The following SULF1 variants were observed in gnomAD, a reference collection of about 807,000 sequenced individuals.
The protein encoded by SULF1 is sulfatase 1.
SULF1 carries 46 observed loss-of-function variants against 110.5 expected under a neutral mutation model. The observed-to-expected ratio is 0.42, with a 90% CI of 0.33 to 0.53. The LOEUF is 0.53. Ranked by LOEUF, SULF1 falls within the 20% of genes least tolerant of loss-of-function variation. The pLI, the probability that SULF1 is intolerant of heterozygous loss-of-function variation, is 0.12. For missense variants in SULF1, 941 were observed against 1,094.2 expected (o/e 0.86, Z 1.98); for synonymous variants, 371 against 387.1 (o/e 0.96, Z 0.49).
intron 7 of SULF1, among the ~76,000 whole-genome samples, chr8:69,586,715 T>C (rs572242973): frequency 5.3e-5 from 8 of 152,308 alleles, no homozygotes; most frequent in Admixed American, 2.0e-4. Flanking sequence ...CTCATTAGGA[T>C]GAAAGGCAAT....
chr8:69,566,722 G>T (rs1487361766), intron 5 of SULF1, among the ~76,000 whole-genome samples: 1 of 152,050 alleles, frequency 6.6e-6, no homozygotes, highest in East Asian at 1.9e-4. Context: ...ATGGTGGCAG[G>T]CACCTGTAAT....
At chr8:69,518,552 G>A (rs1389373740) in intron 3 of SULF1, among the ~76,000 whole-genome samples, 2 of 152,128 alleles carry the variant, frequency 1.3e-5, no homozygotes, top group African/African-American at 4.8e-5. Flanking sequence ...TTCACATGAG[G>A]ATTAGTTGGG....
chr8:69,642,966 C>T (rs1811596380), intron 22 of SULF1, among the ~76,000 whole-genome samples: 1 of 152,180 alleles, frequency 6.6e-6, no homozygotes, highest in Non-Finnish European at 1.5e-5. Flanking sequence ...TTGTTGAAAG[C>T]ATGCATGCAG....
intron 6 of SULF1, among the ~76,000 whole-genome samples, chr8:69,582,187 A>G (rs7844979): frequency 0.033 from 5,092 of 152,276 alleles, 297 homozygotes; most frequent in African/African-American, 0.12. Flanking sequence ...CTTAAAGTGC[A>G]GAAAAAAAAA....
intron 1 of SULF1, among the ~76,000 whole-genome samples, chr8:69,478,555 C>G: frequency 6.6e-6 from 1 of 152,262 alleles, no homozygotes; most frequent in African/African-American, 2.4e-5. Flanking sequence ...TGCCTCCCAT[C>G]ATGGTTCTGC....
intron 1 of SULF1, among the ~76,000 whole-genome samples, chr8:69,471,660 T>A (rs1033400731): frequency 2.0e-5 from 3 of 152,196 alleles, no homozygotes; most frequent in Admixed American, 6.5e-5. Context: ...GGACCACCTC[T>A]CTAGCTGTGT....
At chr8:69,520,768 A>T (rs933440273) in intron 3 of SULF1, among the ~76,000 whole-genome samples, 1 of 152,140 alleles carries the variant, frequency 6.6e-6, no homozygotes, top group African/African-American at 2.4e-5. Context: ...TGAATTTTGC[A>T]TAGTTTCCAT....
intron 12 of SULF1, among the ~76,000 whole-genome samples, chr8:69,603,943 T>C (rs920636192): frequency 6.6e-6 from 1 of 152,216 alleles, no homozygotes; most frequent in Non-Finnish European, 1.5e-5. Context: ...TTAACAATAA[T>C]TTATGTATAT....
At chr8:69,506,348 C>T (rs1811197157) in intron 3 of SULF1, among the ~76,000 whole-genome samples, 1 of 152,166 alleles carries the variant, frequency 6.6e-6, no homozygotes, top group African/African-American at 2.4e-5. Flanking sequence ...ATCCTCTTAT[C>T]CCTTTGAGAC....
In SULF1 at chr8:69,636,798, G is replaced by A. The variant is rs112915364; in HGVS notation, c.2285-1704G>A. ...AAGAATTGGGCCCTTTCTGTTGACC[G>A]ATGCCGGCTGCAGACATTGCAGTTT... On this transcript the variant is annotated intron_variant, in intron 19 of 22. Coordinates refer to ENST00000402687, the MANE Select transcript of SULF1 (RefSeq NM_001128205.2). Among the ~76,000 whole-genome samples, 920 of 152,236 alleles carry A rather than the reference G, an allele frequency of 6.0e-3. 14 individuals are homozygous for A. Among genetic ancestry groups the A allele is most frequent in the African/African-American group, 0.021 (864 of 41,526 alleles).
chr8:69,510,903 C>T (rs1811513369), intron 3 of SULF1, among the ~76,000 whole-genome samples: 1 of 151,492 alleles, frequency 6.6e-6, no homozygotes, highest in Non-Finnish European at 1.5e-5. Context: ...AGGCGTGAAC[C>T]ACCATGCCCA....
At chr8:69,566,577 G>A (rs1328603455) in intron 5 of SULF1, among the ~76,000 whole-genome samples, 1 of 152,148 alleles carries the variant, frequency 6.6e-6, no homozygotes, top group Non-Finnish European at 1.5e-5. Context: ...TTGGCTGGGT[G>A]TGGTCATTCT....
intron 3 of SULF1, among the ~76,000 whole-genome samples, chr8:69,512,763 T>C (rs1013546033): frequency 2.0e-5 from 3 of 151,756 alleles, no homozygotes; most frequent in Non-Finnish European, 1.5e-5. Context: ...TTAGCTAGGT[T>C]CCCCAGGTTC....
At chr8:69,500,161 G>A (rs953453937) in intron 2 of SULF1, among the ~76,000 whole-genome samples, 1 of 152,158 alleles carries the variant, frequency 6.6e-6, no homozygotes, top group Non-Finnish European at 1.5e-5. Flanking sequence ...ATGCAAGGAA[G>A]GTTGTATCTT....
chr8:69,471,532 C>T (rs964654435), intron 1 of SULF1, among the ~76,000 whole-genome samples: 1 of 152,160 alleles, frequency 6.6e-6, no homozygotes, highest in Admixed American at 6.5e-5. Flanking sequence ...TGAAGTTCAG[C>T]TTTAACTGTA....
At chr8:69,629,142 T>G (rs1221582919) in intron 18 of SULF1, among the ~76,000 whole-genome samples, 1 of 152,196 alleles carries the variant, frequency 6.6e-6, no homozygotes, top group Non-Finnish European at 1.5e-5. Context: ...CAAGAGATTC[T>G]TGTGCCTCAT....
At chr8:69,494,968 G>A (rs986486883) in intron 1 of SULF1, among the ~76,000 whole-genome samples, 1 of 152,046 alleles carries the variant, frequency 6.6e-6, no homozygotes, top group Non-Finnish European at 1.5e-5. Context: ...GTGGACAATA[G>A]GGCGCAGATT....
At chr8:69,610,634 A>G (rs756733335) in intron 13 of SULF1, among the ~76,000 whole-genome samples, 1 of 152,238 alleles carries the variant, frequency 6.6e-6, no homozygotes, top group African/African-American at 2.4e-5. Context: ...AAGCTCATGT[A>G]TGAACAGTTG....
chr8:69,644,760 CAAAA>C (rs59189043), intron 22 of SULF1, among the ~76,000 whole-genome samples: 116 of 115,144 alleles, frequency 1.0e-3, no homozygotes, highest in Admixed American at 2.6e-3. Context: ...GACGCCGTCT[CAAAA>C]AAAAAAAAAA....
Sources: gnomAD v4.1 joint callset for allele counts (sites outside exome capture counted in the v4.1 genomes callset) on GRCh38, gnomAD v4.1.1 for gene constraint, MANE v1.5 for transcripts, NCBI Gene and HGNC (gene_info 2026-07-23, HGNC 2026-07-21) for gene names.